Variants in INPP5A observed in about 807,000 individuals in gnomAD.
INPP5A encodes 43 kDa inositol polyphosphate 5-phophatase.
A neutral mutation model predicts 65.2 loss-of-function variants in INPP5A; 14 were observed. The observed-to-expected ratio is 0.21, with a 90% CI of 0.14 to 0.34. The LOEUF (loss-of-function observed/expected upper bound fraction) is 0.34. Among genes scored for constraint, INPP5A ranks in the 10% least tolerant of loss-of-function variants. The pLI is 1.00. For synonymous variants in INPP5A, 207 were observed against 208.3 expected, an observed-to-expected ratio of 0.99 and a Z score of 0.05; for missense variants, 431 against 545.6, an observed-to-expected ratio of 0.79 and a Z score of 2.09.
chr10:132,777,618 G>A (rs769479862), intron 12 of INPP5A, 53 bp from the exon 13 acceptor site: 88 of 1,541,646 alleles, frequency 5.7e-5, no homozygotes, highest in Non-Finnish European at 7.5e-5. Flanking sequence ...TCCCTTTGGG[G>A]CTGAGGACGG....
At chr10:132,558,450 C>T (rs12357035) in intron 1 of INPP5A, among the ~76,000 whole-genome samples, 13,284 of 152,288 alleles carry the variant, frequency 0.087, 655 homozygotes, top group Middle Eastern at 0.11. Flanking sequence ...CCTGAAGCCA[C>T]GTCCACGTCG....
chr10:132,721,997 G>T lies in INPP5A; in HGVS notation c.648-4824G>T, dbSNP rs555872769. Among the ~76,000 whole-genome samples the T allele has an allele frequency of 2.4e-4, 36 of 152,268 alleles. 1 individual carries two copies. In the South Asian group the frequency reaches 6.8e-3, roughly 29 times the overall value. ...ACAGGCTGGTATGTTTATTTTGGGGGGATGAGTTTATTTAAAGTGGCTTAA... is the reference window on the plus strand; with the variant it reads ...ACAGGCTGGTATGTTTATTTTGGGGTGATGAGTTTATTTAAAGTGGCTTAA... On this transcript the variant is annotated intron_variant, in intron 8 of 15. Transcript: ENST00000368594.
intron 9 of INPP5A, among the ~76,000 whole-genome samples, chr10:132,731,825 C>G (rs113967811): frequency 1.3e-5 from 2 of 152,216 alleles, no homozygotes; most frequent in Non-Finnish European, 2.9e-5. Flanking sequence ...TGGTTATCAC[C>G]GAGGCATGCC....
chr10:132,637,898 A>AT lies in INPP5A; in HGVS notation c.118-7964dup, dbSNP rs1238044680. 6.6e-6 allele frequency among the ~76,000 whole-genome samples: 1 copy of AT among 151,694 alleles called. No homozygotes were observed. Among genetic ancestry groups the AT allele is most frequent in the African/African-American group, 2.4e-5 (1 of 41,216 alleles). On this transcript the variant is annotated intron_variant, in intron 2 of 15. Coordinates refer to ENST00000368594, the MANE Select transcript of INPP5A (RefSeq NM_005539.5). The surrounding 1 kb of genome is among the most constrained non-coding windows in gnomAD (Gnocchi z 4.1). ...GTTTTCCTCAGTTTGTGTGTGTACA[A>AT]TTTTTTGTCTTTTTTTTACAGCCGT...
rs529972631 is a variant in INPP5A at position 132,627,888 on chromosome 10, C to T, written c.118-17980C>T. On this transcript the variant is annotated intron_variant, in intron 2 of 15. Coordinates refer to ENST00000368594, the MANE Select transcript of INPP5A (RefSeq NM_005539.5). This position sits in a 1 kb window ranked among gnomAD's most constrained non-coding sequence, Gnocchi z 6.6. ...GGAGAGAGCCGTGTGGGGGAGGTGC[C>T]CAGGCTGGAGTGGCGGCGTCGGGTG... is the stretch of plus-strand genomic sequence containing the variant. 1.3e-5 allele frequency among the ~76,000 whole-genome samples: 2 copies of T among 152,046 alleles called. No homozygotes were observed. The highest frequency in any genetic ancestry group is 6.5e-5 in the Admixed American group (1 of 15,278).
chr10:132,757,267 G>A (rs1030314922), intron 11 of INPP5A, among the ~76,000 whole-genome samples: 1 of 152,202 alleles, frequency 6.6e-6, no homozygotes, highest in Non-Finnish European at 1.5e-5. Flanking sequence ...AGGCCTTCCC[G>A]CTCACCCCCG....
At position 132,538,030 on chromosome 10, in the gene INPP5A, G is replaced by A; in HGVS notation, c.-67G>A. The A allele has an allele frequency of 1.2e-6, 1 of 801,142 alleles. No homozygotes were observed. Among genetic ancestry groups the A allele is most frequent in the African/African-American group, 1.9e-5 (1 of 53,278 alleles). The allele number at this position is 801,142 out of a possible 1,614,324, so 49.6% of individuals were successfully genotyped here. ...CCGCGGCCCCGCGAAGACCCCGGCC[G>A]GCCGGTCCCGGAGGAAGCGGCCGCC... On this transcript the variant is annotated 5_prime_UTR_variant, in exon 1 of 16. Transcript: ENST00000368594. This position sits in a 1 kb window ranked among gnomAD's most constrained non-coding sequence, Gnocchi z 4.1.
rs117010848 is a variant in INPP5A, at chr10:132,706,876, C to T, written c.475-1437C>T. 1.1e-4 allele frequency among the ~76,000 whole-genome samples: 16 copies of T among 152,294 alleles called. No individual in the cohort carries two copies. Among genetic ancestry groups the T allele is most frequent in the South Asian group, 2.1e-4 (1 of 4,824 alleles). On this transcript the variant is annotated intron_variant, in intron 6 of 15. Coordinates refer to ENST00000368594, the MANE Select transcript of INPP5A (RefSeq NM_005539.5). The surrounding 1 kb of genome is among the most constrained non-coding windows in gnomAD (Gnocchi z 4.7). ...CAGGAGCCACTGTGCTGCCAGGTGC[C>T]GCCAACAGGCCAGGCGAGATGAAGG...
Position 132,596,855 on chromosome 10 carries a change from G to GCA in INPP5A, c.76-11060_76-11059insCA, listed in dbSNP as rs1415572278. 5.8e-5 allele frequency among the ~76,000 whole-genome samples: 5 copies of GCA among 86,284 alleles called. No homozygotes were observed. The East Asian group carries it at 2.0e-3, about 35-fold the overall frequency. 56.6% of individuals were successfully genotyped at this position (86,284 alleles called of 152,430 possible). A position where few individuals can be genotyped will look rare whatever the true frequency, so the allele number is the denominator to read the frequency against. ...TGTGTGCGTGTGTGCATGCGTGTGT[G>GCA]TGCATGTGTGTGCATGTGTGTGCAT... On this transcript the variant is annotated intron_variant, in intron 1 of 15. Transcript: ENST00000368594.
intron 1 of INPP5A, among the ~76,000 whole-genome samples, chr10:132,602,244 A>T (rs1242342165): frequency 6.6e-6 from 1 of 151,996 alleles, no homozygotes; most frequent in Non-Finnish European, 1.5e-5. Context: ...TTCTTTTCAC[A>T]TTGTTCATTG....
At chr10:132,573,736 G>A (rs1479740920) in intron 1 of INPP5A, among the ~76,000 whole-genome samples, 2 of 117,022 alleles carry the variant, frequency 1.7e-5, no homozygotes, top group Admixed American at 1.6e-4. Context: ...TGGGGTGTGC[G>A]TGCCGTGTGA....
At position 132,575,184 on chromosome 10, in the gene INPP5A, T is replaced by A. The variant is rs1163426775; in HGVS notation, c.76-32731T>A. On this transcript the variant is annotated intron_variant, in intron 1 of 15. Transcript: ENST00000368594. The surrounding 1 kb of genome is among the most constrained non-coding windows in gnomAD (Gnocchi z 5.4). ...AATGCTGCATTCTTCCTCCGCAGGC[T>A]GGCGTTTGCACCGGCCTGGACACAT... 6.6e-6 allele frequency among the ~76,000 whole-genome samples: 1 copy of A among 152,234 alleles called. No individual in the cohort carries two copies. Among genetic ancestry groups the A allele is most frequent in the African/African-American group, 2.4e-5 (1 of 41,448 alleles).
intron 1 of INPP5A, among the ~76,000 whole-genome samples, chr10:132,595,371 A>G (rs904574794): frequency 2.6e-5 from 4 of 152,230 alleles, no homozygotes; most frequent in African/African-American, 7.2e-5. Context: ...TTCCATGTCT[A>G]TGTGCTCATT....
In INPP5A at chr10:132,690,497, C is replaced by T. The variant is rs1176559225; in HGVS notation, c.370+42C>T. 4.1e-6 allele frequency: 6 copies of T among 1,454,120 alleles called. No homozygotes were observed. In the African/African-American group the frequency reaches 7.0e-5, roughly 17 times the overall value. The allele number at this position is 1,454,120 out of a possible 1,614,324, so 90.1% of individuals were successfully genotyped here. On this transcript the variant is annotated intron_variant, in intron 5 of 15. Coordinates refer to ENST00000368594, the MANE Select transcript of INPP5A (RefSeq NM_005539.5). ...TCTTCCGGGATTTTGTCTCGGCACT[C>T]ACCCCTCCTGGTGTCTGGCTTCCCC...
Position 132,638,971 on chromosome 10 carries a change from A to G in INPP5A, c.118-6897A>G, listed in dbSNP as rs139390929. ...ATAGTTTATATGTTACATTCATTATATATCACATCCCCTGCCTACATAGAA... is the reference window on the plus strand; with the variant it reads ...ATAGTTTATATGTTACATTCATTATGTATCACATCCCCTGCCTACATAGAA... On this transcript the variant is annotated intron_variant, in intron 2 of 15. Transcript: ENST00000368594. Among the ~76,000 whole-genome samples, 262 of 152,308 alleles carry G rather than the reference A, an allele frequency of 1.7e-3. 2 individuals are homozygous for G. Among genetic ancestry groups the G allele is most frequent in the Non-Finnish European group, 2.8e-3 (190 of 68,030 alleles).
chr10:132,649,153 T>C (rs1433536298), intron 3 of INPP5A, among the ~76,000 whole-genome samples: 1 of 152,212 alleles, frequency 6.6e-6, no homozygotes, highest in Non-Finnish European at 1.5e-5. Context: ...CAGATTTTGA[T>C]CTTCTCTTAG....
intron 11 of INPP5A, among the ~76,000 whole-genome samples, chr10:132,759,055 C>T (rs1846683285): frequency 6.6e-6 from 1 of 152,254 alleles, no homozygotes; most frequent in Admixed American, 6.5e-5. Flanking sequence ...AGAGACTTTT[C>T]TCCCCGAAGG....
chr10:132,773,611 GC>G (rs1846993562), intron 12 of INPP5A, among the ~76,000 whole-genome samples: 1 of 152,208 alleles, frequency 6.6e-6, no homozygotes, highest in African/African-American at 2.4e-5. Flanking sequence ...GAGCGAGGCC[GC>G]CCGTCCGCCT....
At chr10:132,614,051 G>A (rs1234899204) in intron 2 of INPP5A, among the ~76,000 whole-genome samples, 1 of 152,220 alleles carries the variant, frequency 6.6e-6, no homozygotes, top group Non-Finnish European at 1.5e-5. Flanking sequence ...AAGCCTGTGT[G>A]TGCCTCCATC....
Sources: allele counts gnomAD v4.1 joint callset (sites outside exome capture counted in the v4.1 genomes callset), GRCh38; gene constraint gnomAD v4.1.1; non-coding constraint Gnocchi (gnomAD v3.1); transcripts MANE v1.5; gene names NCBI Gene and HGNC (gene_info 2026-07-23, HGNC 2026-07-21).